WDR59: variants seen among roughly 807,000 people sequenced by gnomAD.
WDR59 encodes GATOR2 complex protein WDR59.
WDR59 carries 100 observed loss-of-function variants against 131.2 expected under a neutral mutation model. The observed-to-expected ratio is 0.76, with a 90% CI of 0.65 to 0.90. The LOEUF is 0.90. Among genes scored for constraint, WDR59 ranks in the 40% least tolerant of loss-of-function variants. The pLI is 0.00. For missense variants in WDR59, 1,203 were observed against 1,262.2 expected, an observed-to-expected ratio of 0.95 and a Z score of 0.71; for synonymous variants, 601 against 466.2, an observed-to-expected ratio of 1.29 and a Z score of -3.72.
intron 21 of WDR59, 30 bp downstream of exon 21, chr16:74,889,673 T>C: frequency 1.3e-6 from 2 of 1,584,024 alleles, no homozygotes; most frequent in Non-Finnish European, 1.7e-6. Flanking sequence ...ACATCACTCA[T>C]TTTTCTCATT....
chr16:74,911,850 A>T (rs1383014499), intron 14 of WDR59, among the ~76,000 whole-genome samples: 1 of 152,206 alleles, frequency 6.6e-6, no homozygotes, highest in Non-Finnish European at 1.5e-5. Context: ...CCGGAGATGA[A>T]TGCATAGTAT....
intron 6 of WDR59, among the ~76,000 whole-genome samples, 171 bp downstream of exon 6, chr16:74,948,348 G>A (rs1246347081): frequency 6.6e-6 from 1 of 152,190 alleles, no homozygotes; most frequent in South Asian, 2.1e-4. Flanking sequence ...CCTAAAGTGA[G>A]CCCCTTGCAA....
At chr16:74,947,789 G>T (rs1276501951) in intron 6 of WDR59, among the ~76,000 whole-genome samples, 1 of 151,620 alleles carries the variant, frequency 6.6e-6, no homozygotes, top group African/African-American at 2.4e-5. Flanking sequence ...ATCACAAGAG[G>T]GCCGGGCATG....
intron 1 of WDR59, among the ~76,000 whole-genome samples, chr16:74,968,442 C>T (rs750492702): frequency 1.3e-5 from 2 of 152,144 alleles, no homozygotes; most frequent in African/African-American, 2.4e-5. Context: ...AAATATGGAC[C>T]GGGTGCAGTA....
chr16:74,931,279 T>A (rs1555499641), intron 8 of WDR59, among the ~76,000 whole-genome samples: 3 of 152,170 alleles, frequency 2.0e-5, no homozygotes, highest in Non-Finnish European at 4.4e-5. Flanking sequence ...AAAAATTACA[T>A]TAAATCGAAT....
chr16:74,945,087 G>A (rs1012730765), intron 6 of WDR59, among the ~76,000 whole-genome samples: 1 of 151,690 alleles, frequency 6.6e-6, no homozygotes, highest in African/African-American at 2.4e-5. Flanking sequence ...TCGTGTCACC[G>A]CACTATAGCC....
At chr16:74,886,169 T>G in intron 24 of WDR59, 101 bp downstream of exon 24, 1 of 1,122,842 alleles carries the variant, frequency 8.9e-7, no homozygotes, top group Non-Finnish European at 1.2e-6. Context: ...CGGGTAAGAT[T>G]CTGTGTCCAA....
At chr16:74,918,348 A>T (rs1966491681) in intron 10 of WDR59, among the ~76,000 whole-genome samples, 1 of 152,246 alleles carries the variant, frequency 6.6e-6, no homozygotes, top group South Asian at 2.1e-4. Context: ...ATGATGTGAA[A>T]TACTAACTGG....
intron 11 of WDR59, among the ~76,000 whole-genome samples, chr16:74,917,693 C>T (rs968673030): frequency 3.3e-5 from 5 of 151,446 alleles, no homozygotes; most frequent in African/African-American, 1.2e-4. Flanking sequence ...CCTATAATCC[C>T]AGCTACTCAG....
chr16:74,889,330 C>G (rs1483106847), intron 21 of WDR59, among the ~76,000 whole-genome samples: 1 of 152,126 alleles, frequency 6.6e-6, no homozygotes, highest in Non-Finnish European at 1.5e-5. Context: ...AACATGAACA[C>G]CAACATGCAA....
chr16:74,912,372 A>T lies in WDR59; in HGVS notation c.1225-10T>A, dbSNP rs1286269882. On this transcript the variant is annotated splice_polypyrimidine_tract_variant and intron_variant, in intron 13 of 25. Transcript: ENST00000262144. ...TGTCTGCCGCATCCATCTGCAAGAG[A>T]CAAATCCACAATTGCTGTAGAAACA... 1 of 1,606,598 alleles carries T rather than the reference A, an allele frequency of 6.2e-7. No individual in the cohort carries two copies. Among genetic ancestry groups the T allele is most frequent in the South Asian group, 1.1e-5 (1 of 90,784 alleles).
At chr16:74,963,486 A>G (rs574539603) in intron 2 of WDR59, among the ~76,000 whole-genome samples, 2 of 152,298 alleles carry the variant, frequency 1.3e-5, no homozygotes, top group African/African-American at 4.8e-5. Context: ...AACTAACACA[A>G]GAACAGAAAA....
chr16:74,962,287 C>T (rs952527945), intron 2 of WDR59, among the ~76,000 whole-genome samples: 4 of 152,002 alleles, frequency 2.6e-5, no homozygotes, highest in Non-Finnish European at 5.9e-5. Flanking sequence ...TTTTGGGTTC[C>T]GTATGAATTT....
intron 8 of WDR59, among the ~76,000 whole-genome samples, chr16:74,929,039 T>G (rs2031140219): frequency 6.6e-6 from 1 of 152,166 alleles, no homozygotes; most frequent in Non-Finnish European, 1.5e-5. Context: ...AATAATCCAA[T>G]TAAAACATGG....
At chr16:74,971,066 A>G (rs2145215263) in intron 1 of WDR59, among the ~76,000 whole-genome samples, 1 of 152,174 alleles carries the variant, frequency 6.6e-6, no homozygotes, top group Admixed American at 6.6e-5. Flanking sequence ...AGCCAAAAAA[A>G]AGATGGTAGG....
At chr16:74,969,663 G>A (rs184603964) in intron 1 of WDR59, among the ~76,000 whole-genome samples, 4 of 151,734 alleles carry the variant, frequency 2.6e-5, no homozygotes, top group Admixed American at 6.6e-5. Context: ...TCTGCCTCCC[G>A]CGTTAAAGTG....
intron 18 of WDR59, among the ~76,000 whole-genome samples, chr16:74,899,172 T>C (rs1048310002): frequency 7.2e-5 from 11 of 151,946 alleles, no homozygotes; most frequent in Admixed American, 2.0e-4. Flanking sequence ...CTACACAAAA[T>C]ATTGATGGTA....
chr16:74,921,811 G>A lies in WDR59; in HGVS notation c.886+136C>T, dbSNP rs575317860. 6.6e-5 allele frequency: 71 copies of A among 1,078,022 alleles called. No individual in the cohort carries two copies. In the Admixed American group the frequency reaches 1.3e-3, roughly 19 times the overall value. The allele number at this position is 1,078,022 out of a possible 1,614,324, so 66.8% of individuals were successfully genotyped here. On this transcript the variant is annotated intron_variant, in intron 10 of 25. Transcript: ENST00000262144. ...CTTTACTCACCTATGACGAAAGGTG[G>A]CAACAGCCCTGGCTCTCTGGTTCCT...
intron 10 of WDR59, among the ~76,000 whole-genome samples, chr16:74,920,472 C>G (rs1009882869): frequency 6.6e-6 from 1 of 152,156 alleles, no homozygotes; most frequent in Non-Finnish European, 1.5e-5. Context: ...ACAATCTCAG[C>G]TCACTGAAAC....
Sources: gnomAD v4.1 joint callset for allele counts (sites outside exome capture counted in the v4.1 genomes callset) on GRCh38, gnomAD v4.1.1 for gene constraint, MANE v1.5 for transcripts, NCBI Gene and HGNC (gene_info 2026-07-23, HGNC 2026-07-21) for gene names.